AFAP1: variants seen among roughly 807,000 people sequenced by gnomAD.
The protein encoded by AFAP1 is actin filament associated protein 1, also known as actin filament-associated protein 1.
AFAP1 carries 75 observed loss-of-function variants against 93.9 expected under a neutral mutation model. The observed-to-expected ratio is 0.80, with a 90% CI of 0.66 to 0.97. The LOEUF (loss-of-function observed/expected upper bound fraction) is 0.97. Among genes scored for constraint, AFAP1 ranks in the 50% least tolerant of loss-of-function variants. The pLI, the probability that AFAP1 is intolerant of heterozygous loss-of-function variation, is 0.00. For synonymous variants in AFAP1, 517 were observed against 430.7 expected (o/e 1.20, Z -2.48); for missense variants, 1,201 against 1,050.8 (o/e 1.14, Z -1.98).
At chr4:7,838,834 TCACACA>T (rs113955695) in intron 5 of AFAP1, 131 bp from the exon 6 acceptor site, 17 of 744,670 alleles carry the variant, frequency 2.3e-5, no homozygotes, top group Non-Finnish European at 2.8e-5. Flanking sequence ...ATGAGCAGGT[TCACACA>T]CACACACACA....
At chr4:7,925,085 C>G (rs557310029) in intron 1 of AFAP1, among the ~76,000 whole-genome samples, 1 of 152,134 alleles carries the variant, frequency 6.6e-6, no homozygotes, top group African/African-American at 2.4e-5. Context: ...ATGCAAGTGA[C>G]GACACCGACT....
Position 7,769,649 on chromosome 4 carries a change from G to A in AFAP1, c.2254-641C>T, listed in dbSNP as rs1715139274. Reference sequence around the variant, plus strand: ...TGGGATCCCAAACTGCTCTCTGGGGGGAAAAAAACGCCACAGTCTGCTGAG... The same window carrying A: ...TGGGATCCCAAACTGCTCTCTGGGGAGAAAAAAACGCCACAGTCTGCTGAG... On this transcript the variant is annotated intron_variant, in intron 16 of 17. Coordinates refer to ENST00000420658, the MANE Select transcript of AFAP1 (RefSeq NM_001134647.2). Among the ~76,000 whole-genome samples the A allele has an allele frequency of 2.6e-5, 4 of 151,926 alleles. No homozygotes were observed. In the South Asian group the frequency reaches 6.3e-4, roughly 24 times the overall value.
chr4:7,895,089 A>G lies in AFAP1; in HGVS notation c.-2-23009T>C, dbSNP rs538411821. On this transcript the variant is annotated intron_variant, in intron 1 of 17. Coordinates refer to ENST00000420658, the MANE Select transcript of AFAP1 (RefSeq NM_001134647.2). The stretch of plus-strand genomic sequence containing the variant: ...CCCGCTTCGCAGGGCTGGGGCTGCC[A>G]CAGGGAATGGATGAAATCCAGACTC... 8.5e-5 allele frequency among the ~76,000 whole-genome samples: 13 copies of G among 152,390 alleles called. No individual in the cohort carries two copies. In the South Asian group the frequency reaches 2.7e-3, roughly 32 times the overall value.
rs573764365 is a variant in AFAP1, at chr4:7,834,185, A to T, written c.726+4339T>A. 9.9e-5 allele frequency among the ~76,000 whole-genome samples: 15 copies of T among 152,124 alleles called. No individual in the cohort carries two copies. The South Asian group carries it at 2.7e-3, about 27-fold the overall frequency. On this transcript the variant is annotated intron_variant, in intron 6 of 17. Transcript: ENST00000420658. ...AAAGGAATACATTAATGGCATTTGC[A>T]GCAACCTGGATGAGATTGGAGACTA...
At chr4:7,769,954 G>A (rs568660959) in intron 16 of AFAP1, among the ~76,000 whole-genome samples, 1 of 152,202 alleles carries the variant, frequency 6.6e-6, no homozygotes, top group Non-Finnish European at 1.5e-5. Flanking sequence ...GGACATCTGT[G>A]TCTGGCAGAG....
intron 1 of AFAP1, among the ~76,000 whole-genome samples, chr4:7,931,511 A>G (rs1323652790): frequency 6.6e-6 from 1 of 151,118 alleles, no homozygotes; most frequent in Non-Finnish European, 1.5e-5. Flanking sequence ...CCTCCTGAGT[A>G]GCTAGAATCA....
At chr4:7,779,412 A>G (rs915631891) in intron 13 of AFAP1, among the ~76,000 whole-genome samples, 1 of 152,234 alleles carries the variant, frequency 6.6e-6, no homozygotes, top group Non-Finnish European at 1.5e-5. Context: ...CAGCAGCAAC[A>G]CTATGGAAAC....
intron 4 of AFAP1, among the ~76,000 whole-genome samples, chr4:7,851,744 C>G (rs917787103): frequency 6.6e-5 from 10 of 152,236 alleles, no homozygotes; most frequent in Admixed American, 2.6e-4. Flanking sequence ...TACCTGCCAA[C>G]AGCAGACGGC....
intron 8 of AFAP1, among the ~76,000 whole-genome samples, chr4:7,812,134 GC>G (rs972216927): frequency 2.6e-5 from 4 of 152,130 alleles, no homozygotes; most frequent in African/African-American, 9.7e-5. Context: ...ACAGCGGACG[GC>G]CCCTCCCAGC....
At chr4:7,892,532 C>T (rs1050647747) in intron 1 of AFAP1, among the ~76,000 whole-genome samples, 7 of 152,210 alleles carry the variant, frequency 4.6e-5, no homozygotes, top group African/African-American at 1.4e-4. Flanking sequence ...GCCACATGTC[C>T]AGCAACTAAG....
At chr4:7,818,571 G>A (rs77755413) in intron 7 of AFAP1, among the ~76,000 whole-genome samples, 4,169 of 152,274 alleles carry the variant, frequency 0.027, 81 homozygotes, top group Non-Finnish European at 0.046. Flanking sequence ...GGCCTGCGGC[G>A]TCACAGTGAT....
At chr4:7,910,665 G>A (rs921365631) in intron 1 of AFAP1, among the ~76,000 whole-genome samples, 1 of 152,198 alleles carries the variant, frequency 6.6e-6, no homozygotes, top group Non-Finnish European at 1.5e-5. Flanking sequence ...CCCGTGCCAC[G>A]AGCACGTGAG....
At chr4:7,778,578 AGAAAAGCTGGGTT>A in intron 14 of AFAP1, 171 bp downstream of exon 14, 1 of 643,020 alleles carries the variant, frequency 1.6e-6, no homozygotes, top group South Asian at 1.8e-5. Context: ...ACAAGCAGTC[AGAAAAGCTGGGTT>A]GAAATCGCCA....
intron 11 of AFAP1, among the ~76,000 whole-genome samples, chr4:7,791,850 AAC>A (rs1717887726): frequency 7.0e-6 from 1 of 143,134 alleles, no homozygotes; most frequent in Non-Finnish European, 1.5e-5. Context: ...ATCAAAAAAA[AAC>A]AAAAACAAAA....
At chr4:7,814,631 C>T (rs995940475) in intron 8 of AFAP1, among the ~76,000 whole-genome samples, 4 of 152,198 alleles carry the variant, frequency 2.6e-5, no homozygotes, top group South Asian at 2.1e-4. Context: ...GGACGACTCT[C>T]CGACGCAGCG....
intron 1 of AFAP1, among the ~76,000 whole-genome samples, chr4:7,907,074 T>C (rs1719453514): frequency 6.6e-6 from 1 of 151,464 alleles, no homozygotes; most frequent in South Asian, 2.1e-4. Flanking sequence ...CACAGAGAAA[T>C]GCTACAACGT....
intron 1 of AFAP1, among the ~76,000 whole-genome samples, chr4:7,938,624 G>C (rs868524226): frequency 6.6e-6 from 1 of 152,106 alleles, no homozygotes; most frequent in Non-Finnish European, 1.5e-5. Context: ...CTCATTCCGT[G>C]GGTGTGGATG....
chr4:7,801,659 G>A (rs999345973), intron 9 of AFAP1, among the ~76,000 whole-genome samples: 1 of 151,970 alleles, frequency 6.6e-6, no homozygotes, highest in Non-Finnish European at 1.5e-5. Flanking sequence ...GGAAGTACCA[G>A]ATTCCTAACT....
chr4:7,796,482 G>A (rs945418961), intron 10 of AFAP1, among the ~76,000 whole-genome samples: 3 of 152,186 alleles, frequency 2.0e-5, no homozygotes, highest in African/African-American at 7.2e-5. Flanking sequence ...AGGCGCAGTG[G>A]CTCACGCCTG....
Sources: gnomAD v4.1 joint callset for allele counts (sites outside exome capture counted in the v4.1 genomes callset) on GRCh38, gnomAD v4.1.1 for gene constraint, MANE v1.5 for transcripts, NCBI Gene and HGNC (gene_info 2026-07-23, HGNC 2026-07-21) for gene names.